CRY1: variants seen among roughly 807,000 people sequenced by gnomAD.
CRY1 encodes the protein cryptochrome circadian regulator 1.
In CRY1, 45 loss-of-function variants were observed where a neutral mutation model predicts 76.0. The ratio of observed to expected loss-of-function variants is 0.59; its 90% CI spans 0.47 to 0.76. The LOEUF (loss-of-function observed/expected upper bound fraction) is 0.76, where lower values mean the gene tolerates loss of function less well. Ranked by LOEUF, CRY1 falls within the 30% of genes least tolerant of loss-of-function variation. The pLI is 0.00. For synonymous variants in CRY1, 248 were observed against 244.0 expected (o/e 1.02, Z -0.15); for missense variants, 587 against 716.4 (o/e 0.82, Z 2.06).
At chr12:107,006,818 A>AT (rs1310325150) in intron 2 of CRY1, among the ~76,000 whole-genome samples, 7 of 152,040 alleles carry the variant, frequency 4.6e-5, no homozygotes, top group Middle Eastern at 3.4e-3. Flanking sequence ...CAACTAGCTA[A>AT]TTTTTGTATT....
In CRY1 at chr12:106,999,719, A is replaced by G; in HGVS notation, c.969T>C (p.Asn323=). Residue 323 remains asparagine, a synonymous_variant, in exon 7 of 13, where the codon AAT becomes AAC. Coordinates refer to ENST00000008527, the MANE Select transcript of CRY1 (RefSeq NM_004075.5). ...PICVQIPWDK[N]PEALAKWAEG... ...CCGCCCATTTGGCTAAAGCCTCAGG[A>G]TTTTTATCCCAAGGAATCTGAACAC... 4 of 1,614,218 alleles carry G rather than the reference A, an allele frequency of 2.5e-6. No homozygotes were observed. The highest frequency in any genetic ancestry group is 3.4e-6 in the Non-Finnish European group (4 of 1,180,034).
chr12:107,077,862 T>A, intron 1 of CRY1, among the ~76,000 whole-genome samples: 1 of 152,010 alleles, frequency 6.6e-6, no homozygotes. Context: ...TTTGTTAACA[T>A]CCTATACAAT....
chr12:107,074,198 A>G (rs1161051040), intron 1 of CRY1, among the ~76,000 whole-genome samples: 1 of 152,214 alleles, frequency 6.6e-6, no homozygotes, highest in Non-Finnish European at 1.5e-5. Flanking sequence ...ACTAAGCCAG[A>G]CAATTAAAAA....
At chr12:107,025,160 G>GT (rs1422601105) in intron 1 of CRY1, among the ~76,000 whole-genome samples, 3 of 152,158 alleles carry the variant, frequency 2.0e-5, no homozygotes, top group African/African-American at 4.8e-5. Flanking sequence ...GGGAGTGGGG[G>GT]TTTGAGATAG....
chr12:107,060,411 C>T (rs921761496), intron 1 of CRY1, among the ~76,000 whole-genome samples: 5 of 152,172 alleles, frequency 3.3e-5, no homozygotes, highest in African/African-American at 1.2e-4. Flanking sequence ...GATGATGGGG[C>T]AAGAAGGTCC....
At chr12:107,016,240 G>A (rs1412834296) in intron 2 of CRY1, among the ~76,000 whole-genome samples, 1 of 152,170 alleles carries the variant, frequency 6.6e-6, no homozygotes, top group African/African-American at 2.4e-5. Context: ...AACCCAGGAG[G>A]TGGAGGCTGC....
rs1433988415 is a variant in CRY1, at chr12:107,016,150, A to G, written c.267+5934T>C. 2.0e-5 allele frequency among the ~76,000 whole-genome samples: 3 copies of G among 152,006 alleles called. No homozygotes were observed. In the East Asian group the frequency reaches 5.8e-4, roughly 30 times the overall value. ...CATGGTGAAACCTCATCTCTACTAA[A>G]AATACAAAAATTAGCTGGGCATGGT... On this transcript the variant is annotated intron_variant, in intron 2 of 12. Transcript: ENST00000008527.
At chr12:107,013,973 T>C (rs952071910) in intron 2 of CRY1, among the ~76,000 whole-genome samples, 7 of 152,192 alleles carry the variant, frequency 4.6e-5, no homozygotes, top group African/African-American at 1.7e-4. Flanking sequence ...ATGGTACTGC[T>C]CTAAGGTGTT....
At chr12:107,076,441 T>C (rs558347657) in intron 1 of CRY1, among the ~76,000 whole-genome samples, 3 of 151,768 alleles carry the variant, frequency 2.0e-5, no homozygotes, top group African/African-American at 7.3e-5. Context: ...TGAAACTCCA[T>C]CTCTACTAAA....
intron 1 of CRY1, among the ~76,000 whole-genome samples, chr12:107,055,859 A>G (rs1029470956): frequency 6.6e-6 from 1 of 152,108 alleles, no homozygotes; most frequent in African/African-American, 2.4e-5. Flanking sequence ...GGGCAAAATA[A>G]CCATAGATAC....
chr12:106,992,500 A>G, intron 12 of CRY1: 1 of 259,992 alleles, frequency 3.8e-6, no homozygotes, highest in South Asian at 6.8e-5. Flanking sequence ...TAGTAAGGAA[A>G]TAAAAAAGTT....
chr12:107,014,499 G>T (rs772352616), intron 2 of CRY1, among the ~76,000 whole-genome samples: 12 of 152,132 alleles, frequency 7.9e-5, no homozygotes, highest in Non-Finnish European at 1.3e-4. Context: ...TTGGCACTAA[G>T]AAATAATAAA....
chr12:107,029,058 A>G (rs1952648053), intron 1 of CRY1, among the ~76,000 whole-genome samples: 1 of 152,210 alleles, frequency 6.6e-6, no homozygotes, highest in African/African-American at 2.4e-5. Flanking sequence ...TGTAACTCAG[A>G]AAAACTATTT....
chr12:107,090,901 C>G (rs115653549), intron 1 of CRY1, among the ~76,000 whole-genome samples: 6 of 152,146 alleles, frequency 3.9e-5, no homozygotes, highest in Admixed American at 2.0e-4. Flanking sequence ...AATGGCTTCT[C>G]CAGCTGGCTT....
intron 1 of CRY1, among the ~76,000 whole-genome samples, chr12:107,090,578 C>T (rs930880284): frequency 3.3e-5 from 5 of 152,158 alleles, no homozygotes; most frequent in Admixed American, 1.3e-4. Flanking sequence ...GTCAGTCTCA[C>T]GGCTCCACTA....
chr12:107,049,746 T>C (rs1952895923), intron 1 of CRY1: 2 of 152,192 alleles, frequency 1.3e-5, no homozygotes, highest in African/African-American at 4.8e-5. Flanking sequence ...TTCTCAGCTT[T>C]CCTATGTATT....
intron 2 of CRY1, among the ~76,000 whole-genome samples, chr12:107,009,562 ACATATATATAT>A (rs1432777438): frequency 1.1e-4 from 6 of 52,982 alleles, no homozygotes; most frequent in Admixed American, 7.1e-4. Flanking sequence ...AAACAAAAAA[ACATATATATAT>A]ATATATATAT....
intron 1 of CRY1, among the ~76,000 whole-genome samples, chr12:107,030,981 T>C (rs1032669387): frequency 8.5e-5 from 13 of 152,146 alleles, no homozygotes; most frequent in Non-Finnish European, 1.9e-4. Flanking sequence ...TACTAAGTTG[T>C]ATATTCTCCC....
chr12:106,997,639 G>C lies in CRY1; in HGVS notation c.1341C>G (p.Pro447=). ...TTTGGATACCTTCTGGTGCATTCCAGGGATCATAGATATATTTTGCAGGGA... is the reference window on the plus strand; with the variant it reads ...TTTGGATACCTTCTGGTGCATTCCACGGATCATAGATATATTTTGCAGGGA... ...RGFPAKYIYD[P]WNAPEGIQKV... is the part of the protein sequence containing the mutation. The change falls in exon 9 of 13, where the codon CCC becomes CCG. Residue 447 remains proline, a synonymous_variant. Coordinates refer to ENST00000008527, the MANE Select transcript of CRY1 (RefSeq NM_004075.5). 1 of 1,614,074 alleles carries C rather than the reference G, an allele frequency of 6.2e-7. No homozygotes were observed.
Sources: gnomAD v4.1 joint callset for allele counts (sites outside exome capture counted in the v4.1 genomes callset) on GRCh38, gnomAD v4.1.1 for gene constraint, MANE v1.5 for transcripts, NCBI Gene and HGNC (gene_info 2026-07-23, HGNC 2026-07-21) for gene names.